RASA3: variants seen among roughly 807,000 people sequenced by gnomAD.
RASA3 encodes the protein RAS p21 protein activator 3.
A neutral mutation model predicts 110.0 loss-of-function variants in RASA3; 73 were observed. That is an observed-to-expected ratio of 0.66 (90% CI 0.55 to 0.81). The LOEUF is 0.81. Among genes scored for constraint, RASA3 ranks in the 30% least tolerant of loss-of-function variants. RASA3 has a pLI of 0.00. For missense variants in RASA3, 976 were observed against 1,113.2 expected (o/e 0.88, Z 1.75); for synonymous variants, 500 against 451.4 (o/e 1.11, Z -1.37).
In RASA3 at chr13:114,018,772, C is replaced by T. The variant is rs368366135; in HGVS notation, c.933G>A (p.Ala311=). 3.8e-5 allele frequency: 62 copies of T among 1,613,116 alleles called. 1 individual carries two copies. The highest frequency in any genetic ancestry group is 7.7e-5 in the South Asian group (7 of 91,080). ...SPLRDLLLKS[A]DVEPVSASAA... ...CGGCGTGGACAAGCACCTCCACATC[C>T]GCAGACTTCAACAGCAGGTCCCGCA... The change falls in exon 10 of 24, where the codon GCG becomes GCA. Residue 311 remains alanine (A), a synonymous_variant. Coordinates refer to ENST00000334062, the MANE Select transcript of RASA3 (RefSeq NM_007368.4).
At chr13:114,078,989 G>T (rs973084702) in intron 1 of RASA3, among the ~76,000 whole-genome samples, 2 of 152,240 alleles carry the variant, frequency 1.3e-5, no homozygotes, top group Non-Finnish European at 2.9e-5. Flanking sequence ...CCTGGGGAGG[G>T]CCCTCAGGCG....
At chr13:114,127,629 C>A (rs935343991) in intron 1 of RASA3, among the ~76,000 whole-genome samples, 2 of 152,180 alleles carry the variant, frequency 1.3e-5, no homozygotes, top group African/African-American at 2.4e-5. Context: ...AACTGACAGG[C>A]AGGCTGCAGT....
At chr13:114,122,111 G>T (rs2080386653) in intron 1 of RASA3, among the ~76,000 whole-genome samples, 1 of 152,232 alleles carries the variant, frequency 6.6e-6, no homozygotes, top group Non-Finnish European at 1.5e-5. Flanking sequence ...GGGAGGCCAG[G>T]CGTCCCTTCC....
chr13:114,027,178 G>C (rs1043341517), intron 7 of RASA3, among the ~76,000 whole-genome samples: 1 of 152,204 alleles, frequency 6.6e-6, no homozygotes, highest in Non-Finnish European at 1.5e-5. Flanking sequence ...GGGCTGGCTG[G>C]CTGGGCTCGC....
At chr13:114,060,538 G>A (rs778741813) in intron 2 of RASA3, among the ~76,000 whole-genome samples, 2 of 152,242 alleles carry the variant, frequency 1.3e-5, no homozygotes, top group African/African-American at 4.8e-5. Context: ...GGGGACGACA[G>A]GAATTCAGTT....
chr13:113,992,457 C>T lies in RASA3; in HGVS notation c.2245+28G>A, dbSNP rs184298989. The T allele has an allele frequency of 1.9e-6, 3 of 1,587,750 alleles. No homozygotes were observed. The East Asian group carries it at 6.7e-5, about 36-fold the overall frequency. On this transcript the variant is annotated intron_variant, in intron 22 of 23. Transcript: ENST00000334062. ...GGCCTCGCCAGCCATCCCCTCGCTG[C>T]ACAGATCTGTGTGCCGGGCAGACTC...
chr13:114,017,687 G>T (rs998883193), intron 11 of RASA3, among the ~76,000 whole-genome samples: 3 of 152,244 alleles, frequency 2.0e-5, no homozygotes, highest in African/African-American at 7.2e-5. Flanking sequence ...CAGCATCCAA[G>T]GGCCAGCAGA....
rs983989904 is a variant in RASA3 at position 114,112,501 on chromosome 13, C to G, written c.55+19934G>C. Among the ~76,000 whole-genome samples the G allele has an allele frequency of 6.6e-6, 1 of 152,170 alleles. No homozygotes were observed. Among genetic ancestry groups the G allele is most frequent in the African/African-American group, 2.4e-5 (1 of 41,438 alleles). Reference sequence around the variant, plus strand: ...GCCGGACGGGAACTCTCTGCAGGGCCGGTGGAAAGAGATCGCCAGCCCCAG... The same window carrying G: ...GCCGGACGGGAACTCTCTGCAGGGCGGGTGGAAAGAGATCGCCAGCCCCAG... On this transcript the variant is annotated intron_variant, in intron 1 of 23. Coordinates refer to ENST00000334062, the MANE Select transcript of RASA3 (RefSeq NM_007368.4). This position sits in a 1 kb window ranked among gnomAD's most constrained non-coding sequence, Gnocchi z 4.8.
intron 2 of RASA3, among the ~76,000 whole-genome samples, chr13:114,055,788 T>A (rs989213694): frequency 2.0e-5 from 3 of 151,818 alleles, no homozygotes; most frequent in Non-Finnish European, 4.4e-5. Context: ...CTTCACTTCC[T>A]GCTCCAGAGT....
At chr13:114,102,082 A>G (rs545760295) in intron 1 of RASA3, among the ~76,000 whole-genome samples, 2 of 152,302 alleles carry the variant, frequency 1.3e-5, no homozygotes, top group East Asian at 3.9e-4. Flanking sequence ...AGACCCCCAG[A>G]CTGCATACAA....
chr13:114,027,711 G>A (rs762274841), intron 6 of RASA3, 136 bp downstream of exon 6: 33 of 972,778 alleles, frequency 3.4e-5, no homozygotes, highest in Non-Finnish European at 5.2e-5. Flanking sequence ...GAAAACAAAA[G>A]GAAGTAAAAA....
At chr13:114,013,780 CTCTG>C (rs1486842380) in intron 14 of RASA3, among the ~76,000 whole-genome samples, 13 of 149,840 alleles carry the variant, frequency 8.7e-5, no homozygotes, top group Non-Finnish European at 1.3e-4. Flanking sequence ...CTCTCTCCCT[CTCTG>C]TCTCTCTCCC....
Position 114,057,587 on chromosome 13 carries a change from A to G in RASA3, c.174-5432T>C, listed in dbSNP as rs771482336. ...CCCCACAGGAAGGAAACCTCTCCCC[A>G]CAATGACTGTGCACAGAGCCAGCCT... On this transcript the variant is annotated intron_variant, in intron 2 of 23. Transcript: ENST00000334062. The surrounding 1 kb of genome is among the most constrained non-coding windows in gnomAD (Gnocchi z 5.0). The G allele has an allele frequency of 5.6e-6, 5 of 887,018 alleles. No individual in the cohort carries two copies. Among genetic ancestry groups the G allele is most frequent in the African/African-American group, 3.6e-5 (2 of 55,140 alleles). The allele number at this position is 887,018 out of a possible 1,614,324, so 54.9% of individuals were successfully genotyped here. A position where few individuals can be genotyped will look rare whatever the true frequency, so the allele number is the denominator to read the frequency against.
intron 1 of RASA3, among the ~76,000 whole-genome samples, chr13:114,076,580 A>G (rs933517160): frequency 6.6e-6 from 1 of 151,892 alleles, no homozygotes; most frequent in Non-Finnish European, 1.5e-5. Context: ...CAGCACACGC[A>G]CACACACGCG....
intron 1 of RASA3, among the ~76,000 whole-genome samples, chr13:114,090,362 T>C (rs1009495066): frequency 3.3e-5 from 5 of 152,232 alleles, no homozygotes; most frequent in African/African-American, 4.8e-5. Flanking sequence ...TTGTTTTGTT[T>C]TGTTTTATGA....
chr13:114,104,929 G>A (rs1327104474), intron 1 of RASA3, among the ~76,000 whole-genome samples: 4 of 124,586 alleles, frequency 3.2e-5, no homozygotes, highest in South Asian at 3.0e-4. Context: ...CCCCACACAC[G>A]TTCACCTGAG....
rs1394650314 is a variant in RASA3, at chr13:114,048,044, G to A, written c.277+4008C>T. Among the ~76,000 whole-genome samples the A allele has an allele frequency of 1.3e-5, 2 of 152,164 alleles. No individual in the cohort carries two copies. The highest frequency in any genetic ancestry group is 2.1e-4 in the South Asian group (1 of 4,832). On this transcript the variant is annotated intron_variant, in intron 3 of 23. Coordinates refer to ENST00000334062, the MANE Select transcript of RASA3 (RefSeq NM_007368.4). This position sits in a 1 kb window ranked among gnomAD's most constrained non-coding sequence, Gnocchi z 4.3. Reference sequence around the variant, plus strand: ...AAGAACGGAGGTCTCGGCCGGGCGCGGTGGCTCACGCCTGTAATCCCAGCA... The same window carrying A: ...AAGAACGGAGGTCTCGGCCGGGCGCAGTGGCTCACGCCTGTAATCCCAGCA...
intron 3 of RASA3, among the ~76,000 whole-genome samples, chr13:114,042,521 T>C (rs9525348): frequency 0.71 from 107,678 of 152,216 alleles, 38,928 homozygotes; most frequent in African/African-American, 0.87. Context: ...GTCACTGAAG[T>C]GAGAAACTCT....
intron 10 of RASA3, 139 bp downstream of exon 10, chr13:114,018,624 G>A: frequency 6.2e-6 from 7 of 1,135,950 alleles, no homozygotes; most frequent in Non-Finnish European, 8.6e-6. Flanking sequence ...ATCTGGACGG[G>A]AAACAGGCCA....
Sources: gnomAD v4.1 joint callset for allele counts (sites outside exome capture counted in the v4.1 genomes callset) on GRCh38, gnomAD v4.1.1 for gene constraint, Gnocchi (gnomAD v3.1) non-coding constraint, MANE v1.5 for transcripts, NCBI Gene and HGNC (gene_info 2026-07-23, HGNC 2026-07-21) for gene names.